The following FAF1 variants were observed in gnomAD, a reference collection of about 807,000 sequenced individuals.
FAF1 encodes FAS-associated factor 1.
In FAF1, 25 loss-of-function variants were observed where a neutral mutation model predicts 92.5. That is an observed-to-expected ratio of 0.27 (90% CI 0.20 to 0.38). FAF1 has a LOEUF of 0.38. Among genes scored for constraint, FAF1 ranks in the 10% least tolerant of loss-of-function variants. The probability of loss-of-function intolerance (pLI) is 1.00; values close to 1 mark genes in which losing one functional copy is unlikely to be tolerated. For missense variants in FAF1, 636 were observed against 793.3 expected, an observed-to-expected ratio of 0.80 and a Z score of 2.38; for synonymous variants, 234 against 273.2, an observed-to-expected ratio of 0.86 and a Z score of 1.42.
At chr1:50,730,438 T>C in intron 6 of FAF1, among the ~76,000 whole-genome samples, 1 of 152,184 alleles carries the variant, frequency 6.6e-6, no homozygotes, top group East Asian at 1.9e-4. Flanking sequence ...TAAATAGTTC[T>C]TATTCTTGTT....
intron 1 of FAF1, among the ~76,000 whole-genome samples, chr1:50,920,216 G>A (rs1365045165): frequency 2.6e-5 from 4 of 151,706 alleles, no homozygotes; most frequent in Non-Finnish European, 5.9e-5. Context: ...CAGGAGAATC[G>A]CTTGAGCCTG....
chr1:50,717,412 G>C (rs1259748963), intron 6 of FAF1, among the ~76,000 whole-genome samples: 1 of 152,136 alleles, frequency 6.6e-6, no homozygotes, highest in Non-Finnish European at 1.5e-5. Flanking sequence ...AGGTGACAAA[G>C]CCAGGATGAG....
chr1:50,677,513 A>ATCACATTTC (rs1230253588), intron 7 of FAF1, among the ~76,000 whole-genome samples: 1 of 152,222 alleles, frequency 6.6e-6, no homozygotes, highest in Admixed American at 6.5e-5. Context: ...AAAAAAGTAA[A>ATCACATTTC]CACTGTGATG....
At chr1:50,929,342 T>C (rs568211240) in intron 1 of FAF1, among the ~76,000 whole-genome samples, 55 of 152,256 alleles carry the variant, frequency 3.6e-4, no homozygotes, top group African/African-American at 1.1e-3. Flanking sequence ...TGAGTACTAG[T>C]ATATAAATTT....
chr1:50,630,964 G>A (rs1309513394), intron 8 of FAF1, among the ~76,000 whole-genome samples: 2 of 150,658 alleles, frequency 1.3e-5, no homozygotes, highest in East Asian at 1.9e-4. Context: ...CACCATGCCC[G>A]GCTAATTTTT....
At chr1:50,622,164 C>CA (rs529143892) in intron 8 of FAF1, among the ~76,000 whole-genome samples, 42,343 of 116,192 alleles carry the variant, frequency 0.36, 7,114 homozygotes, top group Middle Eastern at 0.55. Context: ...GACTCCATCT[C>CA]AAAAAAAAAA....
intron 17 of FAF1, among the ~76,000 whole-genome samples, chr1:50,487,712 T>A (rs557047691): frequency 5.3e-5 from 8 of 152,328 alleles, no homozygotes; most frequent in Non-Finnish European, 1.0e-4. Flanking sequence ...ATTTTACTGT[T>A]CAATACTTCT....
At chr1:50,594,871 CA>C (rs1179619100) in intron 9 of FAF1, among the ~76,000 whole-genome samples, 2,509 of 95,184 alleles carry the variant, frequency 0.026, 69 homozygotes, top group African/African-American at 0.084. Flanking sequence ...AACCCCATCT[CA>C]AAAAAAAAAA....
chr1:50,629,738 G>A lies in FAF1; in HGVS notation c.744+25704C>T, dbSNP rs76695769. On this transcript the variant is annotated intron_variant, in intron 8 of 18. Transcript: ENST00000396153. ...GTGGGGATAATAACATCTACCCTTC[G>A]GGATTGATTAACGTGAAGATTAAAG... 1.2e-3 allele frequency among the ~76,000 whole-genome samples: 177 copies of A among 152,068 alleles called. 1 individual carries two copies. The East Asian group carries it at 0.028, about 24-fold the overall frequency.
At chr1:50,570,009 C>T (rs1421406828) in intron 12 of FAF1, among the ~76,000 whole-genome samples, 1 of 152,120 alleles carries the variant, frequency 6.6e-6, no homozygotes, top group Non-Finnish European at 1.5e-5. Flanking sequence ...TTTGGAGGAT[C>T]AACCATTCTG....
intron 7 of FAF1, among the ~76,000 whole-genome samples, chr1:50,687,435 G>A (rs940363131): frequency 4.6e-5 from 7 of 151,628 alleles, no homozygotes; most frequent in African/African-American, 1.7e-4. Context: ...TTCTATAAAT[G>A]GTCAATAAAC....
In FAF1 at chr1:50,807,619, A is replaced by T. The variant is rs766504375; in HGVS notation, c.115-5942T>A. Among the ~76,000 whole-genome samples, 22 of 152,204 alleles carry T rather than the reference A, an allele frequency of 1.4e-4. 1 individual carries two copies. Among genetic ancestry groups the T allele is most frequent in the Non-Finnish European group, 2.9e-4 (20 of 68,032 alleles). On this transcript the variant is annotated intron_variant, in intron 2 of 18. Coordinates refer to ENST00000396153, the MANE Select transcript of FAF1 (RefSeq NM_007051.3). ...TTTGGGTGGGGACACAGAGGCAAAC[A>T]ATATGAACAAATATTAACAGCAGGA...
At chr1:50,670,246 A>G (rs868806769) in intron 7 of FAF1, among the ~76,000 whole-genome samples, 18 of 150,896 alleles carry the variant, frequency 1.2e-4, no homozygotes, top group African/African-American at 4.4e-4. Context: ...TAATTTTTGT[A>G]TTTTTTTGTT....
intron 2 of FAF1, among the ~76,000 whole-genome samples, chr1:50,857,079 T>G (rs1644395905): frequency 6.6e-6 from 1 of 151,862 alleles, no homozygotes; most frequent in African/African-American, 2.4e-5. Flanking sequence ...ATTTTTCATC[T>G]CATTTCATTA....
chr1:50,840,186 T>C (rs1455883286), intron 2 of FAF1, among the ~76,000 whole-genome samples: 1 of 151,996 alleles, frequency 6.6e-6, no homozygotes, highest in Non-Finnish European at 1.5e-5. Context: ...AAAATCTTTA[T>C]GGCCTTGGTT....
chr1:50,624,053 C>T (rs1653348581), intron 8 of FAF1, among the ~76,000 whole-genome samples: 1 of 152,134 alleles, frequency 6.6e-6, no homozygotes, highest in African/African-American at 2.4e-5. Context: ...ACCACAAATA[C>T]AAATGGCACT....
At chr1:50,631,633 A>C (rs1382137447) in intron 8 of FAF1, among the ~76,000 whole-genome samples, 3 of 152,236 alleles carry the variant, frequency 2.0e-5, no homozygotes, top group Non-Finnish European at 2.9e-5. Context: ...GAGGTTGCTA[A>C]GATCTCCAAA....
chr1:50,676,519 T>C (rs1656128688), intron 7 of FAF1, among the ~76,000 whole-genome samples: 1 of 150,874 alleles, frequency 6.6e-6, no homozygotes. Context: ...CCCTGGAATA[T>C]AATATAAAAA....
Position 50,501,964 on chromosome 1 carries a change from T to C in FAF1, c.1495-10163A>G, listed in dbSNP as rs374990480. ...CAAAAACTAGGAAATAATCCAAATA[T>C]CCATCAACAGGTGAACATTCAAAAA... On this transcript the variant is annotated intron_variant, in intron 15 of 18. Transcript: ENST00000396153. 1.8e-4 allele frequency among the ~76,000 whole-genome samples: 28 copies of C among 152,220 alleles called. No individual in the cohort carries two copies. The South Asian group carries it at 4.4e-3, about 24-fold the overall frequency.
Sources: gnomAD v4.1 joint callset for allele counts (sites outside exome capture counted in the v4.1 genomes callset) on GRCh38, gnomAD v4.1.1 for gene constraint, MANE v1.5 for transcripts, NCBI Gene and HGNC (gene_info 2026-07-23, HGNC 2026-07-21) for gene names.